Variants in CCDC91 observed in about 807,000 individuals in gnomAD.
The protein encoded by CCDC91 is coiled-coil domain-containing protein 91.
A neutral mutation model predicts 63.2 loss-of-function variants in CCDC91; 48 were observed. The observed-to-expected ratio is 0.76, with a 90% CI of 0.60 to 0.97. The LOEUF is 0.97. CCDC91 is among the 50% of genes least tolerant of loss of function. The pLI, the probability that CCDC91 is intolerant of heterozygous loss-of-function variation, is 0.00. For missense variants in CCDC91, 500 were observed against 494.6 expected (o/e 1.01, Z -0.10); for synonymous variants, 167 against 165.8 (o/e 1.01, Z -0.06).
intron 10 of CCDC91, among the ~76,000 whole-genome samples, chr12:28,452,050 A>C (rs1949828278): frequency 6.6e-6 from 1 of 151,092 alleles, no homozygotes. Flanking sequence ...AGTTTTTCAT[A>C]AAATATATTA....
At chr12:28,534,762 C>T (rs1382445629) in intron 12 of CCDC91, among the ~76,000 whole-genome samples, 1 of 152,116 alleles carries the variant, frequency 6.6e-6, no homozygotes, top group African/African-American at 2.4e-5. Flanking sequence ...AGCTCTAATG[C>T]TATATTTGAG....
At chr12:28,534,396 A>T (rs1302672757) in intron 12 of CCDC91, among the ~76,000 whole-genome samples, 1 of 152,148 alleles carries the variant, frequency 6.6e-6, no homozygotes, top group Non-Finnish European at 1.5e-5. Flanking sequence ...GGCTTTTCCA[A>T]TATAAGGAAC....
At chr12:28,466,700 A>C (rs138734616) in intron 11 of CCDC91, among the ~76,000 whole-genome samples, 2 of 152,152 alleles carry the variant, frequency 1.3e-5, no homozygotes, top group Admixed American at 1.3e-4. Context: ...CCTGTCCTCT[A>C]TAAGAAATGC....
rs578229146 is a variant in CCDC91, at chr12:28,304,237, C to T, written c.110-1412C>T. 1.3e-4 allele frequency among the ~76,000 whole-genome samples: 20 copies of T among 150,996 alleles called. 1 individual carries two copies. The South Asian group carries it at 2.3e-3, about 17-fold the overall frequency. On this transcript the variant is annotated intron_variant, in intron 3 of 12. Transcript: ENST00000536442. ...ACTAAAAATACAAAAATTAGCTGAG[C>T]GTGGTGGCGAGTGCCTGTAATCCCA...
At chr12:28,487,593 C>G (rs1161534412) in intron 12 of CCDC91, among the ~76,000 whole-genome samples, 5 of 151,426 alleles carry the variant, frequency 3.3e-5, no homozygotes, top group African/African-American at 1.2e-4. Flanking sequence ...AGATGGATTT[C>G]TATTTACATC....
chr12:28,256,334 G>T (rs1159322296), intron 1 of CCDC91, among the ~76,000 whole-genome samples: 1 of 151,828 alleles, frequency 6.6e-6, no homozygotes, highest in African/African-American at 2.4e-5. Flanking sequence ...ATCTATATGA[G>T]AACTTATTTT....
chr12:28,217,969 T>C (rs985348988), intron 1 of CCDC91, among the ~76,000 whole-genome samples: 1 of 152,136 alleles, frequency 6.6e-6, no homozygotes, highest in African/African-American at 2.4e-5. Flanking sequence ...TCATCTAAGG[T>C]TGTCTTCCTG....
intron 1 of CCDC91, among the ~76,000 whole-genome samples, chr12:28,234,492 T>A (rs2061760): frequency 0.21 from 31,279 of 152,154 alleles, 4,211 homozygotes; most frequent in Non-Finnish European, 0.31. Flanking sequence ...TACAGATTTT[T>A]AAAGATATTT....
At chr12:28,502,436 TACAA>T in intron 12 of CCDC91, among the ~76,000 whole-genome samples, 1 of 151,732 alleles carries the variant, frequency 6.6e-6, no homozygotes, top group African/African-American at 2.4e-5. Flanking sequence ...TAAAAGAGGA[TACAA>T]ACAAATGGAA....
intron 11 of CCDC91, among the ~76,000 whole-genome samples, chr12:28,474,206 A>G (rs540013441): frequency 6.6e-6 from 1 of 152,220 alleles, no homozygotes; most frequent in Non-Finnish European, 1.5e-5. Context: ...CTCTGCCTTA[A>G]AAGTGCAACA....
chr12:28,253,469 T>C (rs1946252529), intron 1 of CCDC91, among the ~76,000 whole-genome samples: 1 of 152,184 alleles, frequency 6.6e-6, no homozygotes, highest in Admixed American at 6.5e-5. Flanking sequence ...GGTTACCCAG[T>C]TGTGCAGATT....
intron 8 of CCDC91, among the ~76,000 whole-genome samples, chr12:28,405,531 A>G (rs181773476): frequency 4.2e-4 from 64 of 152,278 alleles, no homozygotes; most frequent in African/African-American, 1.4e-3. Flanking sequence ...TCTTTTCTCT[A>G]AAGCTCTACT....
chr12:28,412,116 C>T (rs1464621892), intron 8 of CCDC91, among the ~76,000 whole-genome samples: 2 of 152,100 alleles, frequency 1.3e-5, no homozygotes, highest in East Asian at 3.9e-4. Flanking sequence ...AGCCTAGGAG[C>T]AATAGATTAC....
At chr12:28,273,852 C>T (rs1364137794) in intron 3 of CCDC91, among the ~76,000 whole-genome samples, 1 of 152,040 alleles carries the variant, frequency 6.6e-6, no homozygotes, top group East Asian at 1.9e-4. Context: ...TAATTAGATC[C>T]CATTTGTCAA....
At chr12:28,469,626 C>T (rs1329459795) in intron 11 of CCDC91, among the ~76,000 whole-genome samples, 1 of 151,854 alleles carries the variant, frequency 6.6e-6, no homozygotes, top group Admixed American at 6.6e-5. Context: ...TCAGAATAGC[C>T]AAAGCTATCC....
At chr12:28,523,828 T>C (rs1940988180) in intron 12 of CCDC91, among the ~76,000 whole-genome samples, 1 of 152,152 alleles carries the variant, frequency 6.6e-6, no homozygotes, top group Admixed American at 6.6e-5. Context: ...TCTCCTTCAC[T>C]TATGAAGCTT....
chr12:28,357,252 A>G (rs991342006), intron 6 of CCDC91, among the ~76,000 whole-genome samples: 4 of 152,114 alleles, frequency 2.6e-5, no homozygotes, highest in African/African-American at 9.7e-5. Flanking sequence ...TTGAATACTC[A>G]TCATGTCCAG....
chr12:28,319,838 G>A (rs1216215354), intron 6 of CCDC91, among the ~76,000 whole-genome samples: 3 of 151,702 alleles, frequency 2.0e-5, no homozygotes, highest in Admixed American at 6.6e-5. Context: ...GTCTATATAT[G>A]TTCAGTGCAG....
chr12:28,250,233 T>C (rs1946030908), intron 1 of CCDC91, among the ~76,000 whole-genome samples: 1 of 152,170 alleles, frequency 6.6e-6, no homozygotes, highest in East Asian at 1.9e-4. Flanking sequence ...TGAAGGTTGG[T>C]AAAGACAGAC....
Sources: gnomAD v4.1 joint callset for allele counts (sites outside exome capture counted in the v4.1 genomes callset) on GRCh38, gnomAD v4.1.1 for gene constraint, MANE v1.5 for transcripts, NCBI Gene and HGNC (gene_info 2026-07-23, HGNC 2026-07-21) for gene names.